Variants in PCDHGA2 observed in about 807,000 individuals in gnomAD.
PCDHGA2 encodes protocadherin gamma subfamily A, 2.
PCDHGA2 carries 40 observed loss-of-function variants against 59.2 expected under a neutral mutation model. The observed-to-expected ratio is 0.68, with a 90% CI of 0.52 to 0.88. PCDHGA2 has a LOEUF of 0.88. Among genes scored for constraint, PCDHGA2 ranks in the 40% least tolerant of loss-of-function variants. The probability of loss-of-function intolerance (pLI) is 0.00; values close to 1 mark genes in which losing one functional copy is unlikely to be tolerated. For missense variants in PCDHGA2, 1,226 were observed against 1,204.0 expected (o/e 1.02, Z -0.27); for synonymous variants, 560 against 526.0 (o/e 1.06, Z -0.89).
intron 1 of PCDHGA2, chr5:141,418,952 G>T: frequency 1.9e-6 from 3 of 1,614,050 alleles, no homozygotes; most frequent in Non-Finnish European, 2.5e-6. Context: ...TCCAGGAGTG[G>T]TTGTTGCCCT....
chr5:141,384,837 C>T, intron 1 of PCDHGA2: 1 of 1,613,562 alleles, frequency 6.2e-7, no homozygotes, highest in Non-Finnish European at 8.5e-7. Flanking sequence ...TGGTGGCCGT[C>T]CAGGACCACG....
At chr5:141,433,854 A>T (rs2097660850) in intron 1 of PCDHGA2, among the ~76,000 whole-genome samples, 1 of 151,852 alleles carries the variant, frequency 6.6e-6, no homozygotes, top group African/African-American at 2.4e-5. Context: ...AAAAAAAAAA[A>T]ACTTTATCCT....
chr5:141,487,750 T>A lies in PCDHGA2; in HGVS notation c.2425-7057T>A, dbSNP rs2099664307. On this transcript the variant is annotated intron_variant, in intron 1 of 3. Coordinates refer to ENST00000394576, the MANE Select transcript of PCDHGA2 (RefSeq NM_018915.4). The surrounding 1 kb of genome is among the most constrained non-coding windows in gnomAD (Gnocchi z 5.0). Reference sequence around the variant, plus strand: ...TCACCATTTTTGTAAGAGGTAACTATGTGGTAGACGCTGTGCTTTGTAACT... The same window carrying A: ...TCACCATTTTTGTAAGAGGTAACTAAGTGGTAGACGCTGTGCTTTGTAACT... 1 of 1,555,392 alleles carries A rather than the reference T, an allele frequency of 6.4e-7. No homozygotes were observed. Among genetic ancestry groups the A allele is most frequent in the African/African-American group, 1.4e-5 (1 of 73,376 alleles).
chr5:141,472,980 C>CAAAAAAAAAAAAAAAAAAAAA (rs60579131), intron 1 of PCDHGA2, among the ~76,000 whole-genome samples: 3 of 86,094 alleles, frequency 3.5e-5, no homozygotes, highest in Non-Finnish European at 5.0e-5. Context: ...GAGTGAAACT[C>CAAAAAAAAAAAAAAAAAAAAA]AAAAAAAAAA....
intron 1 of PCDHGA2, chr5:141,393,751 C>A (rs1159377259): frequency 6.2e-7 from 1 of 1,613,846 alleles, no homozygotes; most frequent in Non-Finnish European, 8.5e-7. Flanking sequence ...GAAGAATGTT[C>A]ATTTTATGAA....
chr5:141,430,822 G>C lies in PCDHGA2; in HGVS notation c.2425-63985G>C, dbSNP rs752634890. 5.8e-6 allele frequency: 9 copies of C among 1,542,380 alleles called. No homozygotes were observed. The African/African-American group carries it at 1.1e-4, about 19-fold the overall frequency. On this transcript the variant is annotated intron_variant, in intron 1 of 3. Transcript: ENST00000394576. ...TTGTCCTGCTGGGAATCCTCCTGGGGACTCTGTGGGAGACCGGATGCACCC... is the reference window on the plus strand; with the variant it reads ...TTGTCCTGCTGGGAATCCTCCTGGGCACTCTGTGGGAGACCGGATGCACCC...
At position 141,485,163 on chromosome 5, in the gene PCDHGA2, G is replaced by A. The variant is rs2099608470; in HGVS notation, c.2425-9644G>A. 14 of 1,604,624 alleles carry A rather than the reference G, an allele frequency of 8.7e-6. No individual in the cohort carries two copies. The highest frequency in any genetic ancestry group is 1.1e-5 in the Non-Finnish European group (13 of 1,172,560). ...TCTCAGGAGCAAGTAGAGAATTAGCGGGCGGCAGCAATGCTCCGCAAGGTG... is the reference window on the plus strand; with the variant it reads ...TCTCAGGAGCAAGTAGAGAATTAGCAGGCGGCAGCAATGCTCCGCAAGGTG... On this transcript the variant is annotated intron_variant, in intron 1 of 3. Coordinates refer to ENST00000394576, the MANE Select transcript of PCDHGA2 (RefSeq NM_018915.4). The surrounding 1 kb of genome is among the most constrained non-coding windows in gnomAD (Gnocchi z 5.7).
At position 141,485,305 on chromosome 5, in the gene PCDHGA2, T is replaced by C. The variant is rs1344645695; in HGVS notation, c.2425-9502T>C. The C allele has an allele frequency of 3.7e-6, 6 of 1,614,000 alleles. No individual in the cohort carries two copies. In the East Asian group the frequency reaches 1.3e-4, roughly 36 times the overall value. Reference sequence around the variant, plus strand: ...CAGAGGAGTCACAGGAAGGGACTTTTGTAGGGAATGTCGCTCAAGATTTCC... The same window carrying C: ...CAGAGGAGTCACAGGAAGGGACTTTCGTAGGGAATGTCGCTCAAGATTTCC... On this transcript the variant is annotated intron_variant, in intron 1 of 3. Coordinates refer to ENST00000394576, the MANE Select transcript of PCDHGA2 (RefSeq NM_018915.4). This position sits in a 1 kb window ranked among gnomAD's most constrained non-coding sequence, Gnocchi z 5.7.
At chr5:141,391,886 A>C (rs2092436812) in intron 1 of PCDHGA2, 1 of 152,206 alleles carries the variant, frequency 6.6e-6, no homozygotes, top group Non-Finnish European at 1.5e-5. Flanking sequence ...GGTGAAAGGG[A>C]TGGGATGGAG....
At chr5:141,372,381 A>G in intron 1 of PCDHGA2, 1 of 1,613,964 alleles carries the variant, frequency 6.2e-7, no homozygotes, top group Admixed American at 1.7e-5. Flanking sequence ...GCTGCACCTA[A>G]TCTTCGCAGA....
rs1385496143 is a variant in PCDHGA2, at chr5:141,361,418, G to A, written c.2424+20023G>A. On this transcript the variant is annotated intron_variant, in intron 1 of 3. Coordinates refer to ENST00000394576, the MANE Select transcript of PCDHGA2 (RefSeq NM_018915.4). ...CTCACCATCACAGCCACCGACGGGG[G>A]CAAGCCGCCCCTCTCCTCCAGCATA... The A allele has an allele frequency of 3.7e-6, 6 of 1,614,036 alleles. No individual in the cohort carries two copies. Among genetic ancestry groups the A allele is most frequent in the Non-Finnish European group, 5.1e-6 (6 of 1,179,900 alleles).
At chr5:141,417,872 T>G (rs2096175848) in intron 1 of PCDHGA2, 5 of 1,555,026 alleles carry the variant, frequency 3.2e-6, no homozygotes, top group African/African-American at 1.4e-5. Flanking sequence ...GGGAGGGAGC[T>G]GCGCGCAGAG....
chr5:141,467,602 A>G (rs981250164), intron 1 of PCDHGA2, among the ~76,000 whole-genome samples: 3 of 152,216 alleles, frequency 2.0e-5, no homozygotes, highest in Non-Finnish European at 4.4e-5. Flanking sequence ...TAAGCACTTC[A>G]TCTTTGTCCC....
Position 141,339,871 on chromosome 5 carries a change from A to G in PCDHGA2, c.900A>G (p.Glu300=). Residue 300 remains glutamate, a synonymous_variant, in exon 1 of 4, where the codon GAA becomes GAG. Coordinates refer to ENST00000394576, the MANE Select transcript of PCDHGA2 (RefSeq NM_018915.4). ...EVFELKSTSG[E]LTIIKDLDYE... ...TTGAGCTTAAGTCAACATCTGGAGA[A>G]CTGACAATCATAAAAGATCTAGATT... The G allele has an allele frequency of 6.2e-7, 1 of 1,614,156 alleles. No individual in the cohort carries two copies. Among genetic ancestry groups the G allele is most frequent in the South Asian group, 1.1e-5 (1 of 91,084 alleles).
intron 1 of PCDHGA2, among the ~76,000 whole-genome samples, chr5:141,381,364 G>T (rs1777146369): frequency 6.6e-6 from 1 of 152,216 alleles, no homozygotes; most frequent in Non-Finnish European, 1.5e-5. Context: ...GCAGAGGGTA[G>T]CCTCGGATCC....
chr5:141,357,659 T>C (rs183766353), intron 1 of PCDHGA2: 1 of 1,605,624 alleles, frequency 6.2e-7, no homozygotes, highest in Non-Finnish European at 8.5e-7. Flanking sequence ...CACACTGAAA[T>C]ATAGACAAAG....
chr5:141,376,393 C>T, intron 1 of PCDHGA2: 1 of 1,614,222 alleles, frequency 6.2e-7, no homozygotes, highest in Non-Finnish European at 8.5e-7. Context: ...ATCTGATTTT[C>T]CCCCAGCCCA....
At chr5:141,345,100 T>C (rs1380525895) in intron 1 of PCDHGA2, 2 of 1,613,850 alleles carry the variant, frequency 1.2e-6, no homozygotes, top group African/African-American at 2.7e-5. Context: ...ACAAGCTCAG[T>C]CCCAGAAGAG....
In PCDHGA2 at chr5:141,432,973, G is replaced by T. The variant is rs150572360; in HGVS notation, c.2425-61834G>T. The T allele has an allele frequency of 3.7e-6, 6 of 1,614,096 alleles. 1 individual carries two copies. The highest frequency in any genetic ancestry group is 1.7e-5 in the Admixed American group (1 of 60,014). Reference sequence around the variant, plus strand: ...GCGGCTTGACAGGAGCGCCGGCGTCGCACTTTGTGGGCGTGGACGGGGTGC... The same window carrying T: ...GCGGCTTGACAGGAGCGCCGGCGTCTCACTTTGTGGGCGTGGACGGGGTGC... On this transcript the variant is annotated intron_variant, in intron 1 of 3. Coordinates refer to ENST00000394576, the MANE Select transcript of PCDHGA2 (RefSeq NM_018915.4). This position sits in a 1 kb window ranked among gnomAD's most constrained non-coding sequence, Gnocchi z 6.0.
Sources: allele counts gnomAD v4.1 joint callset (sites outside exome capture counted in the v4.1 genomes callset), GRCh38; gene constraint gnomAD v4.1.1; non-coding constraint Gnocchi (gnomAD v3.1); transcripts MANE v1.5; gene names NCBI Gene and HGNC (gene_info 2026-07-23, HGNC 2026-07-21).